The following MORN1 variants were observed in gnomAD, a reference collection of about 807,000 sequenced individuals.
MORN1 encodes the protein MORN repeat containing 1.
In MORN1, 67 loss-of-function variants were observed where a neutral mutation model predicts 61.9. That is an observed-to-expected ratio of 1.08 (90% CI 0.89 to 1.33). The LOEUF (loss-of-function observed/expected upper bound fraction) is 1.33, where lower values mean the gene tolerates loss of function less well. Ranked by LOEUF, MORN1 falls within the 40% of genes most tolerant of loss-of-function variation. The probability of loss-of-function intolerance (pLI) is 0.00; values close to 1 mark genes in which losing one functional copy is unlikely to be tolerated. For synonymous variants in MORN1, 301 were observed against 292.0 expected, an observed-to-expected ratio of 1.03 and a Z score of -0.31; for missense variants, 752 against 691.2, an observed-to-expected ratio of 1.09 and a Z score of -0.99.
intron 10 of MORN1, among the ~76,000 whole-genome samples, chr1:2,341,623 A>G (rs998011805): frequency 3.3e-5 from 5 of 151,822 alleles, no homozygotes; most frequent in African/African-American, 7.2e-5. Context: ...CACGGGAGGC[A>G]GAGGTTACTG....
intron 13 of MORN1, chr1:2,323,591 G>A (rs909797783): frequency 1.0e-5 from 10 of 985,182 alleles, no homozygotes; most frequent in Non-Finnish European, 1.2e-5. Flanking sequence ...GAGGCCCCAC[G>A]GCTGAGGGTC....
intron 2 of MORN1, 27 bp downstream of exon 2, chr1:2,389,898 C>T (rs1642600278): frequency 6.2e-7 from 1 of 1,607,572 alleles, no homozygotes; most frequent in Non-Finnish European, 8.5e-7. Context: ...GCAGCAGCTG[C>T]AAGAAGAGAC....
intron 3 of MORN1, chr1:2,388,020 A>T (rs1214592837): frequency 7.5e-6 from 4 of 530,912 alleles, no homozygotes; most frequent in Non-Finnish European, 1.3e-5. Context: ...GGGACAGATA[A>T]ATCTTTATTC....
At chr1:2,375,065 G>A (rs902602759) in intron 6 of MORN1, 6 of 152,794 alleles carry the variant, frequency 3.9e-5, no homozygotes, top group African/African-American at 1.4e-4. Context: ...ATGCCTGTTC[G>A]CTGTACACCC....
chr1:2,350,765 G>A (rs72642165), intron 10 of MORN1: 5,884 of 141,474 alleles, frequency 0.042, 178 homozygotes, highest in South Asian at 0.15. Context: ...TGGCACGGGG[G>A]TGGCACGGGC....
chr1:2,381,054 G>A (rs1642360955), intron 6 of MORN1, among the ~76,000 whole-genome samples: 1 of 152,238 alleles, frequency 6.6e-6, no homozygotes. Flanking sequence ...CCAGCGCTAA[G>A]ATGCAGAGCA....
chr1:2,354,812 C>A (rs1641725061), intron 10 of MORN1, among the ~76,000 whole-genome samples: 1 of 152,236 alleles, frequency 6.6e-6, no homozygotes, highest in Non-Finnish European at 1.5e-5. Flanking sequence ...AGCAGCCCAG[C>A]CTCCCAGGGT....
intron 6 of MORN1, chr1:2,376,699 G>A (rs1429865348): frequency 6.6e-6 from 1 of 152,180 alleles, no homozygotes; most frequent in East Asian, 1.9e-4. Context: ...ATCAGGTCAG[G>A]GCTTGGCATC....
chr1:2,346,333 T>C (rs552017113), intron 10 of MORN1, among the ~76,000 whole-genome samples: 6 of 152,190 alleles, frequency 3.9e-5, no homozygotes, highest in Non-Finnish European at 8.8e-5. Flanking sequence ...GCCCAGGAGT[T>C]TGAGGATTAC....
At chr1:2,323,937 C>G (rs774873577) in intron 13 of MORN1, 160 bp downstream of exon 13, 28 of 984,932 alleles carry the variant, frequency 2.8e-5, no homozygotes, top group Non-Finnish European at 3.3e-5. Context: ...CATTCAGGTC[C>G]CTGGGAGGGC....
At chr1:2,328,254 C>T (rs1641077947) in intron 12 of MORN1, among the ~76,000 whole-genome samples, 2 of 152,272 alleles carry the variant, frequency 1.3e-5, no homozygotes, top group Admixed American at 6.5e-5. Flanking sequence ...GCTGCCAGGC[C>T]AGGGAGGGCG....
chr1:2,361,742 G>A (rs546911633), intron 8 of MORN1, among the ~76,000 whole-genome samples: 3 of 152,214 alleles, frequency 2.0e-5, no homozygotes, highest in South Asian at 4.2e-4. Context: ...GATGAGGGCC[G>A]CTGACCCTCC....
intron 8 of MORN1, among the ~76,000 whole-genome samples, chr1:2,367,697 G>A (rs904712096): frequency 2.6e-5 from 4 of 151,854 alleles, no homozygotes; most frequent in African/African-American, 9.7e-5. Flanking sequence ...CGTGATCTCG[G>A]CTCACTGCAA....
At position 2,360,897 on chromosome 1, in the gene MORN1, T is replaced by C. The variant is rs546608874; in HGVS notation, c.746-2182A>G. On this transcript the variant is annotated intron_variant, in intron 8 of 13. Transcript: ENST00000378531. ...GTCTTGCCACAGTCATGGGGAACCA[T>C]TGGTGTGAGGCAGACGGGTCTCCAG... Among the ~76,000 whole-genome samples, 225 of 152,254 alleles carry C rather than the reference T, an allele frequency of 1.5e-3. 1 individual carries two copies. Among genetic ancestry groups the C allele is most frequent in the Middle Eastern group, 6.8e-3 (2 of 294 alleles).
chr1:2,369,355 G>GAAAAAAAAAAAAAAAAAA (rs55703845), intron 8 of MORN1, among the ~76,000 whole-genome samples: 1 of 80,654 alleles, frequency 1.2e-5, no homozygotes, highest in Non-Finnish European at 2.2e-5. Context: ...CTCAGTCTCA[G>GAAAAAAAAAAAAAAAAAA]AAAAAAAAAA....
intron 10 of MORN1, among the ~76,000 whole-genome samples, chr1:2,353,047 C>T (rs12049067): frequency 0.17 from 25,331 of 152,196 alleles, 2,417 homozygotes; most frequent in East Asian, 0.39. Context: ...AGCACAGCTG[C>T]CTGCGGTCCC....
chr1:2,358,424 G>C (rs941046508), intron 9 of MORN1, among the ~76,000 whole-genome samples, 168 bp downstream of exon 9: 1 of 152,164 alleles, frequency 6.6e-6, no homozygotes, highest in Non-Finnish European at 1.5e-5. Flanking sequence ...AGAGGGTCAG[G>C]TACTGAAATT....
chr1:2,355,658 G>A (rs1360142931), intron 10 of MORN1, among the ~76,000 whole-genome samples: 3 of 152,200 alleles, frequency 2.0e-5, no homozygotes, highest in Non-Finnish European at 4.4e-5. Flanking sequence ...GGGAGAACTC[G>A]GGGCCGAGTG....
chr1:2,332,617 C>T (rs776165427), intron 12 of MORN1: 20 of 456,376 alleles, frequency 4.4e-5, no homozygotes, highest in Middle Eastern at 6.5e-4. Flanking sequence ...GCCAGGAGGG[C>T]GCGACGTGGC....
Sources: gnomAD v4.1 joint callset for allele counts (sites outside exome capture counted in the v4.1 genomes callset) on GRCh38, gnomAD v4.1.1 for gene constraint, MANE v1.5 for transcripts, NCBI Gene and HGNC (gene_info 2026-07-23, HGNC 2026-07-21) for gene names.